Variants in DCC observed in about 807,000 individuals in gnomAD.
DCC encodes DCC netrin 1 receptor.
Under a neutral mutation model 172.5 loss-of-function variants are expected in DCC, and 58 were observed. The ratio of observed to expected loss-of-function variants is 0.34; its 90% CI spans 0.27 to 0.42. DCC has a LOEUF of 0.42. DCC is among the 10% of genes least tolerant of loss of function. The probability of loss-of-function intolerance (pLI) is 1.00; values close to 1 mark genes in which losing one functional copy is unlikely to be tolerated. For missense variants in DCC, 1,740 were observed against 1,791.0 expected (o/e 0.97, Z 0.51); for synonymous variants, 709 against 644.5 (o/e 1.10, Z -1.52).
chr18:52,452,071 G>A (rs1890246481), intron 1 of DCC, among the ~76,000 whole-genome samples: 1 of 152,176 alleles, frequency 6.6e-6, no homozygotes, highest in Non-Finnish European at 1.5e-5. Flanking sequence ...GATAGAGGGA[G>A]TGAGTGGCTT....
intron 1 of DCC, among the ~76,000 whole-genome samples, chr18:52,431,287 G>GA (rs796212759): frequency 7.3e-5 from 11 of 150,650 alleles, no homozygotes; most frequent in South Asian, 2.1e-4. Context: ...AAAGATTGAT[G>GA]AAAAAAAATA....
intron 18 of DCC, among the ~76,000 whole-genome samples, chr18:53,401,433 G>A (rs1909284334): frequency 6.6e-6 from 1 of 152,152 alleles, no homozygotes; most frequent in Admixed American, 6.5e-5. Flanking sequence ...GAAGATCACG[G>A]TGTTGGAAAG....
intron 7 of DCC, among the ~76,000 whole-genome samples, chr18:53,074,504 G>A (rs1163687864): frequency 6.6e-6 from 1 of 152,124 alleles, no homozygotes; most frequent in Non-Finnish European, 1.5e-5. Context: ...ACAGAGCCAA[G>A]TTTTTTCAAA....
At position 53,066,062 on chromosome 18, in the gene DCC, G is replaced by T. The variant is rs140711456; in HGVS notation, c.1157G>T (p.Arg386Leu). Residue 386 changes from arginine (R) to leucine (L), a missense_variant, in exon 7 of 29, where the codon CGG becomes CTG. Coordinates refer to ENST00000442544, the MANE Select transcript of DCC (RefSeq NM_005215.4). ...YFQIVGGSNL[R>L]ILGVVKSDEG... ...TTTCCCTAGGGAGGAAGCAACTTAC[G>T]GATACTTGGGGTGGTGAAGTCAGAT... The T allele has an allele frequency of 6.8e-6, 11 of 1,613,026 alleles. No individual in the cohort carries two copies. Among genetic ancestry groups the T allele is most frequent in the Non-Finnish European group, 8.5e-6 (10 of 1,179,442 alleles).
At chr18:52,894,974 A>G (rs1018305775) in intron 2 of DCC, among the ~76,000 whole-genome samples, 5 of 152,220 alleles carry the variant, frequency 3.3e-5, no homozygotes, top group African/African-American at 9.6e-5. Context: ...TGACACGTAG[A>G]ATTAGTCACC....
chr18:52,549,831 T>C (rs2032716563), intron 1 of DCC, among the ~76,000 whole-genome samples: 1 of 151,968 alleles, frequency 6.6e-6, no homozygotes, highest in Non-Finnish European at 1.5e-5. Flanking sequence ...TTTTTTCCTT[T>C]ACAGAAATTG....
chr18:52,846,254 A>C (rs1485748696), intron 2 of DCC, among the ~76,000 whole-genome samples: 3 of 152,084 alleles, frequency 2.0e-5, no homozygotes, highest in Non-Finnish European at 2.9e-5. Context: ...CAAGGAATTC[A>C]GCTTCAGCCA....
At chr18:53,421,725 T>C (rs1159698135) in intron 21 of DCC, among the ~76,000 whole-genome samples, 3 of 152,208 alleles carry the variant, frequency 2.0e-5, no homozygotes, top group Non-Finnish European at 4.4e-5. Context: ...TCTCTCAACA[T>C]CCTCACCTGT....
chr18:52,971,513 A>G lies in DCC; in HGVS notation c.985+46143A>G, dbSNP rs537321336. On this transcript the variant is annotated intron_variant, in intron 5 of 28. Transcript: ENST00000442544. Reference sequence around the variant, plus strand: ...GAGGTGTGCGTGTGTGTGTGCGCGCACACACACACACACACGCACGCACAC... The same window carrying G: ...GAGGTGTGCGTGTGTGTGTGCGCGCGCACACACACACACACGCACGCACAC... 8.1e-3 allele frequency among the ~76,000 whole-genome samples: 1,211 copies of G among 148,984 alleles called. 16 individuals are homozygous for G. The highest frequency in any genetic ancestry group is 0.027 in the African/African-American group (1,081 of 40,706).
intron 1 of DCC, among the ~76,000 whole-genome samples, chr18:52,635,024 A>G (rs1048780221): frequency 1.3e-5 from 2 of 152,068 alleles, no homozygotes; most frequent in African/African-American, 4.8e-5. Flanking sequence ...GTAGTAAATT[A>G]TTTTCTCTAC....
At chr18:53,447,147 G>A (rs1238892724) in intron 22 of DCC, among the ~76,000 whole-genome samples, 1 of 152,172 alleles carries the variant, frequency 6.6e-6, no homozygotes, top group African/African-American at 2.4e-5. Flanking sequence ...CTAACCTTGT[G>A]TTTCCTCTAG....
At chr18:52,504,541 C>T (rs533931692) in intron 1 of DCC, among the ~76,000 whole-genome samples, 53 of 152,266 alleles carry the variant, frequency 3.5e-4, no homozygotes, top group Non-Finnish European at 4.4e-4. Context: ...GCTGTGGGGT[C>T]TTTCCTTAGA....
intron 2 of DCC, among the ~76,000 whole-genome samples, chr18:52,778,520 A>G (rs1159544378): frequency 2.0e-5 from 3 of 152,204 alleles, no homozygotes; most frequent in Non-Finnish European, 2.9e-5. Context: ...AAACAATTTT[A>G]AAATCATACT....
intron 15 of DCC, among the ~76,000 whole-genome samples, chr18:53,362,391 G>C (rs1233880767): frequency 6.6e-6 from 1 of 152,130 alleles, no homozygotes; most frequent in Non-Finnish European, 1.5e-5. Context: ...ATCTGAATGG[G>C]AGCCGGAAGT....
intron 12 of DCC, among the ~76,000 whole-genome samples, chr18:53,279,585 C>T (rs1305757066): frequency 6.8e-6 from 1 of 147,990 alleles, no homozygotes; most frequent in Non-Finnish European, 1.5e-5. Context: ...CAACATGGCA[C>T]ATGTATACAT....
intron 2 of DCC, among the ~76,000 whole-genome samples, chr18:52,898,852 A>G (rs1451005233): frequency 6.6e-6 from 1 of 152,180 alleles, no homozygotes; most frequent in Non-Finnish European, 1.5e-5. Context: ...ATTGATGGCC[A>G]CAGCCATTGC....
intron 27 of DCC, among the ~76,000 whole-genome samples, chr18:53,516,050 T>C (rs1307650727): frequency 2.1e-5 from 3 of 146,112 alleles, no homozygotes; most frequent in African/African-American, 8.3e-5. Flanking sequence ...CTTCAAACTA[T>C]ACTACAAGGC....
At chr18:52,780,484 A>G (rs2037518178) in intron 2 of DCC, among the ~76,000 whole-genome samples, 1 of 152,308 alleles carries the variant, frequency 6.6e-6, no homozygotes. Flanking sequence ...AATAAGAGAA[A>G]GGCATTCACA....
At chr18:52,538,060 T>G (rs2032337029) in intron 1 of DCC, among the ~76,000 whole-genome samples, 1 of 152,200 alleles carries the variant, frequency 6.6e-6, no homozygotes, top group Admixed American at 6.5e-5. Flanking sequence ...AGGATCTTTC[T>G]AAAACATTCC....
Sources: gnomAD v4.1 joint callset for allele counts (sites outside exome capture counted in the v4.1 genomes callset) on GRCh38, gnomAD v4.1.1 for gene constraint, MANE v1.5 for transcripts, NCBI Gene and HGNC (gene_info 2026-07-23, HGNC 2026-07-21) for gene names.